Variants in PLEKHG1 observed in about 807,000 individuals in gnomAD.
The protein encoded by PLEKHG1 is pleckstrin homology domain-containing family G member 1.
PLEKHG1 carries 44 observed loss-of-function variants against 100.8 expected under a neutral mutation model. The observed-to-expected ratio is 0.44, with a 90% CI of 0.34 to 0.56. PLEKHG1 has a LOEUF of 0.56. Ranked by LOEUF, PLEKHG1 falls within the 20% of genes least tolerant of loss-of-function variation. The pLI is 0.01. For synonymous variants in PLEKHG1, 640 were observed against 662.5 expected, an observed-to-expected ratio of 0.97 and a Z score of 0.52; for missense variants, 1,545 against 1,720.9, an observed-to-expected ratio of 0.90 and a Z score of 1.81.
intron 2 of PLEKHG1, among the ~76,000 whole-genome samples, chr6:150,645,311 C>T (rs1778449714): frequency 6.6e-6 from 1 of 152,250 alleles, no homozygotes; most frequent in South Asian, 2.1e-4. Context: ...ATACAGTCAT[C>T]AATTTCAACT....
intron 2 of PLEKHG1, among the ~76,000 whole-genome samples, chr6:150,744,546 A>T (rs570049707): frequency 1.2e-4 from 18 of 152,336 alleles, no homozygotes; most frequent in African/African-American, 4.1e-4. Flanking sequence ...ATGCTTTTCC[A>T]TAAGAAATTG....
intron 2 of PLEKHG1, among the ~76,000 whole-genome samples, chr6:150,735,295 G>T (rs920232137): frequency 6.6e-6 from 1 of 152,072 alleles, no homozygotes; most frequent in Non-Finnish European, 1.5e-5. Flanking sequence ...CTCAAGGGCA[G>T]ATTTATATAT....
intron 1 of PLEKHG1, among the ~76,000 whole-genome samples, chr6:150,721,625 A>G (rs1781679594): frequency 3.9e-5 from 6 of 152,210 alleles, no homozygotes; most frequent in Admixed American, 3.9e-4. Context: ...GAGGAACAAA[A>G]TAAATGTTTG....
chr6:150,631,714 G>A (rs985763674), intron 1 of PLEKHG1, among the ~76,000 whole-genome samples: 2 of 152,098 alleles, frequency 1.3e-5, no homozygotes, highest in Non-Finnish European at 2.9e-5. Context: ...GCTGGCAACC[G>A]CTCCCCACCT....
At chr6:150,707,054 G>C (rs1356652981) in intron 3 of PLEKHG1, among the ~76,000 whole-genome samples, 5 of 139,988 alleles carry the variant, frequency 3.6e-5, no homozygotes, top group Non-Finnish European at 7.5e-5. Context: ...CCCAGGGCTG[G>C]AGTGCAGTGG....
intron 2 of PLEKHG1, among the ~76,000 whole-genome samples, chr6:150,734,429 G>T (rs1782458113): frequency 6.6e-6 from 1 of 152,190 alleles, no homozygotes; most frequent in Non-Finnish European, 1.5e-5. Context: ...GTCTCCTGGA[G>T]CATGAGTGTC....
chr6:150,782,582 C>A (rs1163659129), intron 3 of PLEKHG1, among the ~76,000 whole-genome samples: 15 of 152,124 alleles, frequency 9.9e-5, no homozygotes, highest in Non-Finnish European at 8.8e-5. Flanking sequence ...AGTGACATAT[C>A]TGTGTGCGAC....
intron 3 of PLEKHG1, 59 bp downstream of exon 4, chr6:150,768,797 G>T: frequency 2.0e-6 from 2 of 998,320 alleles, no homozygotes; most frequent in Non-Finnish European, 3.2e-6. Flanking sequence ...TTTCTCAAAT[G>T]AATGCAGCCT....
At chr6:150,700,483 C>T (rs1170245187) in intron 3 of PLEKHG1, among the ~76,000 whole-genome samples, 1 of 152,144 alleles carries the variant, frequency 6.6e-6, no homozygotes, top group Non-Finnish European at 1.5e-5. Context: ...AACCCCAGGG[C>T]TAAAGAACCT....
At chr6:150,693,240 ATCACGCCACTGCAC>A (rs923420132) in intron 3 of PLEKHG1, among the ~76,000 whole-genome samples, 6 of 152,138 alleles carry the variant, frequency 3.9e-5, no homozygotes, top group Non-Finnish European at 8.8e-5. Context: ...GTGAGCCAAG[ATCACGCCACTGCAC>A]TCCAGCCTGG....
intron 13 of PLEKHG1, 62 bp from the exon 15 acceptor site, chr6:150,823,592 G>T: frequency 9.1e-7 from 1 of 1,094,732 alleles, no homozygotes; most frequent in Non-Finnish European, 1.4e-6. Context: ...AAATATTAGT[G>T]CTTACTTATA....
chr6:150,833,512 G>A (rs1777070398), intron 15 of PLEKHG1, among the ~76,000 whole-genome samples: 1 of 152,206 alleles, frequency 6.6e-6, no homozygotes, highest in Non-Finnish European at 1.5e-5. Flanking sequence ...AGGACTATGG[G>A]AATGAGATGC....
intron 7 of PLEKHG1, among the ~76,000 whole-genome samples, chr6:150,806,855 A>G (rs1351970573): frequency 6.7e-6 from 1 of 149,064 alleles, no homozygotes; most frequent in African/African-American, 2.5e-5. Flanking sequence ...AAAAAAATGA[A>G]ATGAAAAATT....
chr6:150,693,993 C>T (rs1329868080), intron 3 of PLEKHG1, among the ~76,000 whole-genome samples: 2 of 152,208 alleles, frequency 1.3e-5, no homozygotes, highest in African/African-American at 4.8e-5. Flanking sequence ...TTATTGCTTC[C>T]CTCATCTTCA....
At chr6:150,703,580 G>A (rs1172705159) in intron 3 of PLEKHG1, among the ~76,000 whole-genome samples, 28 of 146,040 alleles carry the variant, frequency 1.9e-4, no homozygotes, top group African/African-American at 7.2e-4. Context: ...TTGCCTGGGC[G>A]ACAGAGCAAG....
chr6:150,730,755 T>A (rs894017658), intron 1 of PLEKHG1, among the ~76,000 whole-genome samples: 20 of 151,960 alleles, frequency 1.3e-4, no homozygotes, highest in African/African-American at 4.6e-4. Flanking sequence ...ATATAAAAAT[T>A]AGCTGGGCGT....
intron 1 of PLEKHG1, among the ~76,000 whole-genome samples, chr6:150,610,820 T>C (rs1162087929): frequency 6.6e-6 from 1 of 152,244 alleles, no homozygotes; most frequent in South Asian, 2.1e-4. Context: ...CTCTGTAATA[T>C]GTATGTTTCT....
At chr6:150,785,033 T>TAAAAA (rs35123545) in intron 3 of PLEKHG1, among the ~76,000 whole-genome samples, 3 of 136,236 alleles carry the variant, frequency 2.2e-5, no homozygotes, top group Admixed American at 7.2e-5. Context: ...TCTCTAAAAT[T>TAAAAA]AAAAAAAAAA....
At chr6:150,730,456 T>G (rs964047770) in intron 1 of PLEKHG1, among the ~76,000 whole-genome samples, 1 of 152,144 alleles carries the variant, frequency 6.6e-6, no homozygotes, top group Non-Finnish European at 1.5e-5. Context: ...TAGGTCACAA[T>G]AGGGCTCGTG....
Sources: allele counts gnomAD v4.1 joint callset (sites outside exome capture counted in the v4.1 genomes callset), GRCh38; gene constraint gnomAD v4.1.1; transcripts MANE v1.5; gene names NCBI Gene and HGNC (gene_info 2026-07-23, HGNC 2026-07-21).